STKLD1: variants seen among roughly 807,000 people sequenced by gnomAD.
The protein encoded by STKLD1 is serine/threonine kinase-like domain-containing protein STKLD1.
A neutral mutation model predicts 80.4 loss-of-function variants in STKLD1; 79 were observed. That is an observed-to-expected ratio of 0.98 (90% CI 0.82 to 1.19). STKLD1 has a LOEUF of 1.19. Among genes scored for constraint, STKLD1 ranks in the 50% most tolerant of loss-of-function variants. The pLI is 0.00. For synonymous variants in STKLD1, 393 were observed against 357.6 expected, an observed-to-expected ratio of 1.10 and a Z score of -1.12; for missense variants, 841 against 856.0, an observed-to-expected ratio of 0.98 and a Z score of 0.22.
Position 133,395,664 on chromosome 9 carries a change from T to C in STKLD1, c.767T>C (p.Leu256Pro). Reference sequence around the variant, plus strand: ...AGCCCAGGCAGCCTGAAGGCCGTCCTGAAGACAATGGAGGAGAAGCAGATC... The same window carrying C: ...AGCCCAGGCAGCCTGAAGGCCGTCCCGAAGACAATGGAGGAGAAGCAGATC... ...RQSPGSLKAV[L>P]KTMEEKQIPD... The change falls in exon 9 of 18, where the codon CTG (leucine) becomes CCG (proline). Residue 256 changes from leucine to proline, a missense_variant. Physicochemically the swap from Leu to Pro is moderately conservative, Grantham distance 98. Transcript: ENST00000371957. 1 of 1,613,440 alleles carries C rather than the reference T, an allele frequency of 6.2e-7. No individual in the cohort carries two copies. The highest frequency in any genetic ancestry group is 8.5e-7 in the Non-Finnish European group (1 of 1,180,028).
At chr9:133,404,128 C>A in intron 16 of STKLD1, 80 bp downstream of exon 16, 1 of 1,455,114 alleles carries the variant, frequency 6.9e-7, no homozygotes, top group South Asian at 1.4e-5. Context: ...CTGCCAGGTG[C>A]CACAAACCAA....
intron 17 of STKLD1, 120 bp downstream of exon 17, chr9:133,405,049 A>C: frequency 6.9e-7 from 1 of 1,439,368 alleles, no homozygotes; most frequent in Non-Finnish European, 9.4e-7. Flanking sequence ...TTCTCGGCCC[A>C]CTTAAACTTC....
chr9:133,389,301 TGGAGTCTGGAAACTC>T lies in STKLD1; in HGVS notation c.397-224_397-210del, dbSNP rs1838331045. On this transcript the variant is annotated intron_variant, in intron 5 of 17. Coordinates refer to ENST00000371957, the MANE Select transcript of STKLD1 (RefSeq NM_153710.5). This position sits in a 1 kb window ranked among gnomAD's most constrained non-coding sequence, Gnocchi z 6.4. ...GGTCTCTGGTATGGAGACAGCAGTG[TGGAGTCTGGAAACTC>T]AGAGTCCTTCTGGCTGCCGCCGCGG... 2 of 985,150 alleles carry T rather than the reference TGGAGTCTGGAAACTC, an allele frequency of 2.0e-6. No homozygotes were observed. Among genetic ancestry groups the T allele is most frequent in the South Asian group, 9.4e-5 (2 of 21,282 alleles). The allele number at this position is 985,150 out of a possible 1,614,324, so 61.0% of individuals were successfully genotyped here. A position where few individuals can be genotyped will look rare whatever the true frequency, so the allele number is the denominator to read the frequency against.
chr9:133,386,012 G>A (rs993333761), intron 4 of STKLD1, among the ~76,000 whole-genome samples: 3 of 151,556 alleles, frequency 2.0e-5, no homozygotes, highest in Non-Finnish European at 4.4e-5. Context: ...TCTGCCTCCC[G>A]GGTTCAAGAG....
chr9:133,390,769 G>A lies in STKLD1; in HGVS notation c.556G>A (p.Ala186Thr), dbSNP rs2130287260. 6.2e-7 allele frequency: 1 copy of A among 1,613,832 alleles called. No homozygotes were observed. The highest frequency in any genetic ancestry group is 1.3e-5 in the African/African-American group (1 of 75,056). ...LSSNVLMTDK[A>T]KWNIRAEEDP... is the part of the protein sequence containing the mutation. ...TTCCAATGTGCTAATGACAGACAAAGCCAAATGGAATATTCGTGCGGAGGA... is the reference window on the plus strand; with the variant it reads ...TTCCAATGTGCTAATGACAGACAAAACCAAATGGAATATTCGTGCGGAGGA... The change falls in exon 7 of 18, where the codon GCC becomes ACC. Residue 186 changes from alanine (A) to threonine (T), a missense_variant. Coordinates refer to ENST00000371957, the MANE Select transcript of STKLD1 (RefSeq NM_153710.5). This position sits in a 1 kb window ranked among gnomAD's most constrained non-coding sequence, Gnocchi z 5.1.
At position 133,401,975 on chromosome 9, in the gene STKLD1, A is replaced by G; in HGVS notation, c.1339+97A>G. The G allele has an allele frequency of 2.0e-6, 3 of 1,481,044 alleles. No homozygotes were observed. In the South Asian group the frequency reaches 3.9e-5, roughly 19 times the overall value. The allele number at this position is 1,481,044 out of a possible 1,614,324, so 91.7% of individuals were successfully genotyped here. A position where few individuals can be genotyped will look rare whatever the true frequency, so the allele number is the denominator to read the frequency against. The stretch of plus-strand genomic sequence containing the variant: ...GGTTTGGGGTATAGGTGGGTTGGAC[A>G]GGACAGTGCTGGGCCTCCTCCTGAG... On this transcript the variant is annotated intron_variant, in intron 13 of 17. Coordinates refer to ENST00000371957, the MANE Select transcript of STKLD1 (RefSeq NM_153710.5).
intron 1 of STKLD1, among the ~76,000 whole-genome samples, chr9:133,377,374 G>A (rs991649368): frequency 6.6e-6 from 1 of 152,166 alleles, no homozygotes; most frequent in Non-Finnish European, 1.5e-5. Context: ...GCTTAGAACA[G>A]CAGTCCCTGG....
intron 2 of STKLD1, 47 bp downstream of exon 2, chr9:133,379,169 G>A: frequency 6.6e-7 from 1 of 1,524,374 alleles, no homozygotes; most frequent in Non-Finnish European, 9.0e-7. Context: ...TTCTGTGACT[G>A]TGATTTTCCC....
At position 133,405,331 on chromosome 9, in the gene STKLD1, G is replaced by A. The variant is rs781841490; in HGVS notation, c.1953G>A (p.Leu651=). 1.2e-5 allele frequency: 20 copies of A among 1,612,916 alleles called. No homozygotes were observed. The Admixed American group carries it at 3.2e-4, about 26-fold the overall frequency. The part of the protein sequence containing the change: ...QEIKERFTSS[L]VSDSSAFSKP... ...TCAAGGAGCGCTTCACCTCCAGCCT[G>A]GTGAGTGACAGCAGCGCCTTCAGCA... The change falls in exon 18 of 18, where the codon CTG becomes CTA. Residue 651 remains leucine, a synonymous_variant. Coordinates refer to ENST00000371957, the MANE Select transcript of STKLD1 (RefSeq NM_153710.5).
At chr9:133,383,096 ATAG>A (rs1439816674) in intron 2 of STKLD1, among the ~76,000 whole-genome samples, 2 of 116,490 alleles carry the variant, frequency 1.7e-5, no homozygotes, top group African/African-American at 6.6e-5. Flanking sequence ...GGTGGTAATG[ATAG>A]TGGTGGTGGT....
At position 133,390,859 on chromosome 9, in the gene STKLD1, G is replaced by A. The variant is rs2130287804; in HGVS notation, c.583+63G>A. ...GGCGCCTAGAATCCAGGCGGCGTTG[G>A]CCACTCTGGGTGCTGGAGTGAGGCA... On this transcript the variant is annotated intron_variant, in intron 7 of 17. Coordinates refer to ENST00000371957, the MANE Select transcript of STKLD1 (RefSeq NM_153710.5). This position sits in a 1 kb window ranked among gnomAD's most constrained non-coding sequence, Gnocchi z 5.1. The A allele has an allele frequency of 3.1e-6, 4 of 1,279,118 alleles. No homozygotes were observed. The African/African-American group carries it at 5.9e-5, about 19-fold the overall frequency. The allele number at this position is 1,279,118 out of a possible 1,614,324, so 79.2% of individuals were successfully genotyped here.
chr9:133,398,535 T>C (rs1423219565), intron 11 of STKLD1, among the ~76,000 whole-genome samples: 1 of 152,184 alleles, frequency 6.6e-6, no homozygotes, highest in African/African-American at 2.4e-5. Flanking sequence ...TCCTAGCACC[T>C]TGAGAAGCCA....
Position 133,385,230 on chromosome 9 carries a change from C to T in STKLD1, c.220-387C>T, listed in dbSNP as rs1330675736. Among the ~76,000 whole-genome samples, 1 of 152,164 alleles carries T rather than the reference C, an allele frequency of 6.6e-6. No individual in the cohort carries two copies. The highest frequency in any genetic ancestry group is 2.4e-5 in the African/African-American group (1 of 41,430). ...GCACTTTCCGCCAGGGCAGGGGCAC[C>T]GGGACCTCTCCGTGTGCCCACCTCC... On this transcript the variant is annotated intron_variant, in intron 3 of 17. Transcript: ENST00000371957. The surrounding 1 kb of genome is among the most constrained non-coding windows in gnomAD (Gnocchi z 4.9).
chr9:133,383,706 G>A (rs1838204537), intron 2 of STKLD1, 150 bp from the exon 3 acceptor site: 3 of 737,392 alleles, frequency 4.1e-6, no homozygotes, highest in South Asian at 3.0e-5. Flanking sequence ...TGGTGGTGTT[G>A]GTTGTGGTTG....
chr9:133,402,143 A>G (rs1838722027), intron 13 of STKLD1, among the ~76,000 whole-genome samples: 1 of 152,184 alleles, frequency 6.6e-6, no homozygotes. Context: ...CTTCACACCA[A>G]TGACATCTCT....
At chr9:133,393,467 TTGGGTGGGTAGATGGA>T (rs1351613958) in intron 7 of STKLD1, among the ~76,000 whole-genome samples, 6 of 123,562 alleles carry the variant, frequency 4.9e-5, no homozygotes, top group Non-Finnish European at 3.5e-5. Flanking sequence ...GGATGGATGG[TTGGGTGGGTAGATGGA>T]TGGGTGGGTG....
chr9:133,396,557 C>T (rs1838569982), intron 9 of STKLD1, among the ~76,000 whole-genome samples: 2 of 151,992 alleles, frequency 1.3e-5, no homozygotes, highest in African/African-American at 2.4e-5. Flanking sequence ...TGTTCGAGAC[C>T]AGCCTGGCCA....
Position 133,385,064 on chromosome 9 carries a change from T to C in STKLD1, c.220-553T>C, listed in dbSNP as rs1838234080. Among the ~76,000 whole-genome samples the C allele has an allele frequency of 6.6e-6, 1 of 152,178 alleles. No individual in the cohort carries two copies. The highest frequency in any genetic ancestry group is 1.5e-5 in the Non-Finnish European group (1 of 68,032). ...GCCCAGAGCCGCACGCCGCCGTGGCTTTTCACGTTGCCGATTCCCATCCAC... is the reference window on the plus strand; with the variant it reads ...GCCCAGAGCCGCACGCCGCCGTGGCCTTTCACGTTGCCGATTCCCATCCAC... On this transcript the variant is annotated intron_variant, in intron 3 of 17. Coordinates refer to ENST00000371957, the MANE Select transcript of STKLD1 (RefSeq NM_153710.5). The surrounding 1 kb of genome is among the most constrained non-coding windows in gnomAD (Gnocchi z 4.9).
At chr9:133,377,033 A>G (rs1837987994) in intron 1 of STKLD1, among the ~76,000 whole-genome samples, 1 of 152,238 alleles carries the variant, frequency 6.6e-6, no homozygotes, top group Non-Finnish European at 1.5e-5. Flanking sequence ...TACATGATAT[A>G]TACACTTTAT....
Sources: gnomAD v4.1 joint callset for allele counts (sites outside exome capture counted in the v4.1 genomes callset) on GRCh38, gnomAD v4.1.1 for gene constraint, Gnocchi (gnomAD v3.1) non-coding constraint, MANE v1.5 for transcripts, NCBI Gene and HGNC (gene_info 2026-07-23, HGNC 2026-07-21) for gene names.